Variants in CDH13 observed in about 807,000 individuals in gnomAD.
CDH13 encodes cadherin-13.
CDH13 carries 24 observed loss-of-function variants against 63.8 expected under a neutral mutation model. That is an observed-to-expected ratio of 0.38 (90% CI 0.27 to 0.53). CDH13 has a LOEUF of 0.53. Among genes scored for constraint, CDH13 ranks in the 20% least tolerant of loss-of-function variants. The probability of loss-of-function intolerance (pLI) is 0.85; values close to 1 mark genes in which losing one functional copy is unlikely to be tolerated. For synonymous variants in CDH13, 503 were observed against 355.3 expected (o/e 1.42, Z -4.67); for missense variants, 1,049 against 903.1 (o/e 1.16, Z -2.07).
intron 1 of CDH13, among the ~76,000 whole-genome samples, chr16:82,837,059 G>T (rs2038797838): frequency 6.6e-6 from 1 of 152,176 alleles, no homozygotes; most frequent in South Asian, 2.1e-4. Flanking sequence ...GTCTTAAAAT[G>T]GGCAACCCAT....
intron 6 of CDH13, among the ~76,000 whole-genome samples, chr16:83,424,833 T>C (rs1417367970): frequency 1.3e-5 from 2 of 152,194 alleles, no homozygotes; most frequent in African/African-American, 4.8e-5. Context: ...GACAGGTAGC[T>C]CTTCGCAGCT....
At chr16:83,762,193 A>G (rs1914027372) in intron 11 of CDH13, among the ~76,000 whole-genome samples, 1 of 152,196 alleles carries the variant, frequency 6.6e-6, no homozygotes, top group South Asian at 2.1e-4. Context: ...TTGATGAGTA[A>G]AGCCTTTAAT....
intron 1 of CDH13, among the ~76,000 whole-genome samples, chr16:82,712,550 G>A (rs537191093): frequency 9.2e-5 from 14 of 152,182 alleles, no homozygotes; most frequent in African/African-American, 3.1e-4. Flanking sequence ...ACTACCCTGT[G>A]CCCCACCTAT....
At chr16:83,033,953 C>T (rs1420693527) in intron 3 of CDH13, among the ~76,000 whole-genome samples, 1 of 152,114 alleles carries the variant, frequency 6.6e-6, no homozygotes, top group Non-Finnish European at 1.5e-5. Flanking sequence ...ATATTAGCCA[C>T]ATCCCTGCTT....
chr16:83,724,093 T>C (rs1166790861), intron 10 of CDH13, among the ~76,000 whole-genome samples: 1 of 150,152 alleles, frequency 6.7e-6, no homozygotes, highest in African/African-American at 2.5e-5. Flanking sequence ...GTGGAAAGCA[T>C]GGGTGGGTGA....
chr16:82,963,556 T>C (rs1208849664), intron 2 of CDH13, among the ~76,000 whole-genome samples: 1 of 152,180 alleles, frequency 6.6e-6, no homozygotes. Flanking sequence ...TTTCCCATAG[T>C]CTGTCTTCCC....
At chr16:83,142,525 C>T (rs8056153) in intron 4 of CDH13, among the ~76,000 whole-genome samples, 21,052 of 152,130 alleles carry the variant, frequency 0.14, 1,719 homozygotes, top group Middle Eastern at 0.28. Flanking sequence ...GTTACCTCCT[C>T]GGGGAAGCTT....
chr16:82,719,752 A>G (rs1357092654), intron 1 of CDH13, among the ~76,000 whole-genome samples: 1 of 150,882 alleles, frequency 6.6e-6, no homozygotes, highest in Non-Finnish European at 1.5e-5. Flanking sequence ...AGGCTGAAAC[A>G]GGAGAATCAC....
At chr16:83,679,260 T>G (rs1297144818) in intron 10 of CDH13, among the ~76,000 whole-genome samples, 2 of 152,214 alleles carry the variant, frequency 1.3e-5, no homozygotes, top group African/African-American at 4.8e-5. Context: ...GGTACATGGT[T>G]TCACAATAAA....
chr16:83,279,979 C>A (rs1297528845), intron 5 of CDH13, among the ~76,000 whole-genome samples: 1 of 152,128 alleles, frequency 6.6e-6, no homozygotes, highest in Non-Finnish European at 1.5e-5. Flanking sequence ...AAAGTGCTAA[C>A]AAACATCTGA....
intron 1 of CDH13, among the ~76,000 whole-genome samples, chr16:82,739,460 T>G (rs2033835092): frequency 6.6e-6 from 1 of 152,228 alleles, no homozygotes; most frequent in African/African-American, 2.4e-5. Flanking sequence ...GCTTTAGTTG[T>G]CTTGGTAAAT....
At chr16:83,324,167 T>C (rs779961546) in intron 5 of CDH13, among the ~76,000 whole-genome samples, 1 of 151,850 alleles carries the variant, frequency 6.6e-6, no homozygotes, top group Non-Finnish European at 1.5e-5. Context: ...CTCCTGAGTA[T>C]CTGCGATGAC....
At position 83,276,545 on chromosome 16, in the gene CDH13, A is replaced by G. The variant is rs568192861; in HGVS notation, c.636+59048A>G. 3.9e-5 allele frequency among the ~76,000 whole-genome samples: 6 copies of G among 152,250 alleles called. No homozygotes were observed. In the East Asian group the frequency reaches 1.2e-3, roughly 29 times the overall value. On this transcript the variant is annotated intron_variant, in intron 5 of 13. Coordinates refer to ENST00000567109, the MANE Select transcript of CDH13 (RefSeq NM_001257.5). ...GTCTTACAGTTTCCCATGGCTGGGG[A>G]GGCCTCACAGTCATGGCAGAAGACA...
chr16:83,477,855 G>A (rs1200235162), intron 6 of CDH13, among the ~76,000 whole-genome samples: 1 of 152,042 alleles, frequency 6.6e-6, no homozygotes, highest in Non-Finnish European at 1.5e-5. Flanking sequence ...TTGAACTAGT[G>A]TCTAAAAATC....
intron 2 of CDH13, among the ~76,000 whole-genome samples, chr16:82,880,381 A>G (rs546608531): frequency 5.3e-5 from 8 of 152,214 alleles, no homozygotes; most frequent in Admixed American, 5.2e-4. Context: ...TGCTTCATAT[A>G]TCGGTGGTAC....
chr16:82,928,148 A>C (rs1431187250), intron 2 of CDH13, among the ~76,000 whole-genome samples: 1 of 126,694 alleles, frequency 7.9e-6, no homozygotes, highest in Non-Finnish European at 1.7e-5. Flanking sequence ...CAATAATATA[A>C]AGTAGGCAGT....
chr16:83,550,318 G>C (rs1349841260), intron 7 of CDH13, among the ~76,000 whole-genome samples: 3 of 152,196 alleles, frequency 2.0e-5, no homozygotes, highest in Non-Finnish European at 4.4e-5. Flanking sequence ...CAACCAGGGG[G>C]CGCTGACAGA....
chr16:83,553,089 A>G (rs1156366451), intron 7 of CDH13, among the ~76,000 whole-genome samples: 1 of 152,126 alleles, frequency 6.6e-6, no homozygotes, highest in East Asian at 1.9e-4. Flanking sequence ...AAAAAAAAAA[A>G]AAAAAGTGAC....
At chr16:82,883,317 C>T (rs1480123722) in intron 2 of CDH13, among the ~76,000 whole-genome samples, 1 of 152,182 alleles carries the variant, frequency 6.6e-6, no homozygotes, top group East Asian at 1.9e-4. Flanking sequence ...CCCACCATCA[C>T]ATCATTGTAT....
Sources: allele counts gnomAD v4.1 joint callset (sites outside exome capture counted in the v4.1 genomes callset), GRCh38; gene constraint gnomAD v4.1.1; transcripts MANE v1.5; gene names NCBI Gene and HGNC (gene_info 2026-07-23, HGNC 2026-07-21).